The following TTC3 variants were observed in gnomAD, a reference collection of about 807,000 sequenced individuals.
The protein encoded by TTC3 is E3 ubiquitin-protein ligase TTC3.
Under a neutral mutation model 249.6 loss-of-function variants are expected in TTC3, and 180 were observed. The observed-to-expected ratio is 0.72, with a 90% CI of 0.64 to 0.82. The LOEUF (loss-of-function observed/expected upper bound fraction) is 0.82, where lower values mean the gene tolerates loss of function less well. Ranked by LOEUF, TTC3 falls within the 40% of genes least tolerant of loss-of-function variation. The pLI, the probability that TTC3 is intolerant of heterozygous loss-of-function variation, is 0.00. For synonymous variants in TTC3, 717 were observed against 805.0 expected (o/e 0.89, Z 1.85); for missense variants, 2,061 against 2,398.4 (o/e 0.86, Z 2.94).
At chr21:37,158,519 TCA>T (rs1349095097) in intron 28 of TTC3, among the ~76,000 whole-genome samples, 1 of 152,210 alleles carries the variant, frequency 6.6e-6, no homozygotes, top group Non-Finnish European at 1.5e-5. Flanking sequence ...TTAAAACTTT[TCA>T]AAATCTACTG....
At chr21:37,090,114 G>C (rs542654027) in intron 5 of TTC3, 119 bp from the exon 6 acceptor site, 8 of 604,610 alleles carry the variant, frequency 1.3e-5, no homozygotes, top group African/African-American at 7.6e-5. Flanking sequence ...AATGCTTGTC[G>C]GAAGTGTACT....
intron 42 of TTC3, 108 bp from the exon 43 acceptor site, chr21:37,197,462 A>G: frequency 7.4e-7 from 1 of 1,346,434 alleles, no homozygotes. Context: ...TTTTATGTGC[A>G]TTTGTCTTTG....
At chr21:37,109,970 G>C (rs2075495316) in intron 11 of TTC3, among the ~76,000 whole-genome samples, 1 of 152,328 alleles carries the variant, frequency 6.6e-6, no homozygotes, top group East Asian at 1.9e-4. Context: ...TGGACCTCCA[G>C]TAAACTCCAA....
rs1298796504 is a variant in TTC3, at chr21:37,087,844, T to G, written c.156T>G (p.Tyr52Ter). 1.3e-6 allele frequency: 2 copies of G among 1,594,556 alleles called. No homozygotes were observed. Among genetic ancestry groups the G allele is most frequent in the South Asian group, 2.3e-5 (2 of 88,582 alleles). The change falls in exon 3 of 46, where the codon TAT becomes TAG. Residue 52 changes from tyrosine (Y) to a stop codon, truncating the protein, a stop_gained. Coordinates refer to ENST00000355666, the Ensembl canonical transcript of TTC3. LOFTEE classifies it high-confidence loss of function. ...TTTCTTCTTTTTAGGGTGTGCAATA[T>G]AAAGATTATATCCAAAGTGAGAGGA... is the stretch of plus-strand genomic sequence containing the variant.
rs1252959192 is a variant in TTC3, at chr21:37,095,455, A to G, written c.782+11A>G. On this transcript the variant is annotated intron_variant, in intron 9 of 45. Coordinates refer to ENST00000355666, the Ensembl canonical transcript of TTC3. ...AGCCATTGAATATAGGTAAGAGCAA[A>G]TAGAACAAAAGAGATGCTTTTTCTA... 3.8e-5 allele frequency: 58 copies of G among 1,533,282 alleles called. No homozygotes were observed. The East Asian group carries it at 1.3e-3, about 35-fold the overall frequency. 95.0% of individuals were successfully genotyped at this position (1,533,282 alleles called of 1,614,324 possible).
rs147451136 is a variant in TTC3, at chr21:37,139,677, T to C, written c.1660-884T>C. ...TCTAATTCTATTTTCCAAGAGACAG[T>C]TGGAGACAGAACTTCATGATTTTCA... On this transcript the variant is annotated intron_variant, in intron 19 of 45. Transcript: ENST00000355666. 2.5e-3 allele frequency among the ~76,000 whole-genome samples: 377 copies of C among 152,288 alleles called. 2 individuals are homozygous for C. The highest frequency in any genetic ancestry group is 0.017 in the South Asian group (80 of 4,832).
chr21:37,194,238 C>T (rs1292476340), intron 41 of TTC3, among the ~76,000 whole-genome samples: 1 of 152,158 alleles, frequency 6.6e-6, no homozygotes, highest in African/African-American at 2.4e-5. Context: ...TTCGGTTATC[C>T]GCAGTCAACC....
intron 44 of TTC3, among the ~76,000 whole-genome samples, chr21:37,198,383 C>A (rs1184651324): frequency 6.6e-6 from 1 of 152,178 alleles, no homozygotes. Context: ...TTGGGGAAAT[C>A]ATTTTTGAAT....
At chr21:37,174,808 T>A (rs1283440571) in intron 35 of TTC3, among the ~76,000 whole-genome samples, 1 of 152,178 alleles carries the variant, frequency 6.6e-6, no homozygotes, top group East Asian at 1.9e-4. Context: ...TATTGTCTAC[T>A]TCACAGCTTT....
intron 1 of TTC3, chr21:37,081,993 T>C (rs1447077139): frequency 1.3e-5 from 2 of 151,568 alleles, no homozygotes; most frequent in Non-Finnish European, 2.9e-5. Context: ...GCCTCCCGAG[T>C]AGCTGGGACT....
At chr21:37,188,515 G>C (rs1408590791) in exon 39 of TTC3, 3 of 1,613,864 alleles carry the variant, frequency 1.9e-6, no homozygotes, top group Non-Finnish European at 2.5e-6. Context: ...TTGAAAACTG[G>C]AAGGAGAGTG....
intron 9 of TTC3, among the ~76,000 whole-genome samples, chr21:37,095,959 G>A (rs2073899445): frequency 6.6e-6 from 1 of 152,170 alleles, no homozygotes; most frequent in Non-Finnish European, 1.5e-5. Context: ...TATTGTCTCA[G>A]TCAGGCCGCC....
At chr21:37,126,249 C>A in intron 15 of TTC3, 106 bp downstream of exon 15, 1 of 855,420 alleles carries the variant, frequency 1.2e-6, no homozygotes, top group Non-Finnish European at 1.8e-6. Context: ...TCTTGTTCTC[C>A]TTTACTTTAT....
chr21:37,112,437 C>G (rs2075757006), intron 11 of TTC3, among the ~76,000 whole-genome samples: 1 of 152,180 alleles, frequency 6.6e-6, no homozygotes. Context: ...ACTAGAAAAT[C>G]TAGAAGAAAT....
chr21:37,088,983 C>G (rs1337977262), intron 5 of TTC3, 97 bp downstream of exon 5: 1 of 1,084,278 alleles, frequency 9.2e-7, no homozygotes, highest in East Asian at 2.6e-5. Flanking sequence ...TAGCAATTAA[C>G]AGGTAATGGT....
At chr21:37,194,222 C>T (rs985355280) in intron 41 of TTC3, among the ~76,000 whole-genome samples, 6 of 152,182 alleles carry the variant, frequency 3.9e-5, no homozygotes, top group East Asian at 3.8e-4. Flanking sequence ...CTTCGCTTTC[C>T]GTGGTTTCGG....
intron 27 of TTC3, among the ~76,000 whole-genome samples, chr21:37,155,804 G>A (rs927400556): frequency 6.6e-6 from 1 of 152,140 alleles, no homozygotes; most frequent in Non-Finnish European, 1.5e-5. Context: ...TAGGCATACT[G>A]ACCACCTTGA....
At chr21:37,183,234 T>TG (rs1369060044) in intron 36 of TTC3, among the ~76,000 whole-genome samples, 1 of 152,162 alleles carries the variant, frequency 6.6e-6, no homozygotes, top group African/African-American at 2.4e-5. Flanking sequence ...CAGCAAAACA[T>TG]GGGGGCTGGT....
At chr21:37,150,734 C>A in intron 24 of TTC3, 86 bp from the exon 25 acceptor site, 1 of 868,780 alleles carries the variant, frequency 1.2e-6, no homozygotes, top group Non-Finnish European at 2.0e-6. Context: ...ATTATGTGTG[C>A]TTCTGAAATA....
Sources: allele counts gnomAD v4.1 joint callset (sites outside exome capture counted in the v4.1 genomes callset), GRCh38; gene constraint gnomAD v4.1.1; transcripts MANE v1.5; gene names NCBI Gene and HGNC (gene_info 2026-07-23, HGNC 2026-07-21).